Variants in NEU1 observed in about 807,000 individuals in gnomAD.
The protein encoded by NEU1 is neuraminidase 1.
Under a neutral mutation model 38.3 loss-of-function variants are expected in NEU1, and 32 were observed. That is an observed-to-expected ratio of 0.84 (90% CI 0.63 to 1.12). NEU1 has a LOEUF of 1.12. Ranked by LOEUF, NEU1 falls within the 50% of genes most tolerant of loss-of-function variation. The pLI is 0.00. For missense variants in NEU1, 431 were observed against 549.2 expected (o/e 0.78, Z 2.15); for synonymous variants, 192 against 225.2 (o/e 0.85, Z 1.32).
rs1426890011 is a variant in NEU1, at chr6:31,860,529, A to G, written c.708T>C (p.His236=). Residue 236 remains histidine (H), a synonymous_variant, in exon 4 of 6, where the codon CAT becomes CAC. Coordinates refer to ENST00000375631, the MANE Select transcript of NEU1 (RefSeq NM_000434.4). This position sits in a 1 kb window ranked among gnomAD's most constrained non-coding sequence, Gnocchi z 4.8. Reference sequence around the variant, plus strand: ...CACTTCCGTAGCGCCAGGAGGCACCATGATCATCGCTGAGGAGACAGAAGA... The same window carrying G: ...CACTTCCGTAGCGCCAGGAGGCACCGTGATCATCGCTGAGGAGACAGAAGA... ...DGVFCLLSDD[H]GASWRYGSGV... 5 of 1,614,096 alleles carry G rather than the reference A, an allele frequency of 3.1e-6. No individual in the cohort carries two copies. The highest frequency in any genetic ancestry group is 2.2e-5 in the South Asian group (2 of 91,082).
At position 31,857,737 on chromosome 6, in the gene NEU1, T is replaced by C. The variant is rs1184026727; in HGVS notation, c.*1982A>G. The stretch of plus-strand genomic sequence containing the variant: ...TCTGCCTGGGGAATATTTTCTTACA[T>C]AATTTGCCATAGGAAGTGCTCACTT... On this transcript the variant is annotated 3_prime_UTR_variant, in exon 6 of 6. Coordinates refer to ENST00000375631, the MANE Select transcript of NEU1 (RefSeq NM_000434.4). 1 of 152,098 alleles carries C rather than the reference T, an allele frequency of 6.6e-6. No homozygotes were observed. Among genetic ancestry groups the C allele is most frequent in the East Asian group, 1.9e-4 (1 of 5,192 alleles). The allele number at this position is 152,098 out of a possible 1,614,324, so 9.4% of individuals were successfully genotyped here. A position where few individuals can be genotyped will look rare whatever the true frequency, so the allele number is the denominator to read the frequency against.
In NEU1 at chr6:31,860,363, T is replaced by C. The variant is rs996756275; in HGVS notation, c.798+76A>G. 2.5e-6 allele frequency: 4 copies of C among 1,604,122 alleles called. No individual in the cohort carries two copies. The highest frequency in any genetic ancestry group is 3.4e-6 in the Non-Finnish European group (4 of 1,171,216). ...GGCACTGAGTGGAGCAGTCAGACCC[T>C]GGGTCTGTGCGTGAAATGATGTTCT... On this transcript the variant is annotated intron_variant, in intron 4 of 5. Coordinates refer to ENST00000375631, the MANE Select transcript of NEU1 (RefSeq NM_000434.4). The surrounding 1 kb of genome is among the most constrained non-coding windows in gnomAD (Gnocchi z 4.8).
chr6:31,862,787 A>T lies in NEU1; in HGVS notation c.-11T>A. 1 of 1,612,512 alleles carries T rather than the reference A, an allele frequency of 6.2e-7. No homozygotes were observed. The highest frequency in any genetic ancestry group is 1.3e-5 in the African/African-American group (1 of 75,038). On this transcript the variant is annotated 5_prime_UTR_variant, in exon 1 of 6. Coordinates refer to ENST00000375631, the MANE Select transcript of NEU1 (RefSeq NM_000434.4). The surrounding 1 kb of genome is among the most constrained non-coding windows in gnomAD (Gnocchi z 6.3). ...TCGCTCCCCAGTCATCTCTCCCCGC[A>T]GCTGCCGCGACCCTGGCAGCTAGAC... is the stretch of plus-strand genomic sequence containing the variant.
chr6:31,860,295 G>A lies in NEU1; in HGVS notation c.799-31C>T. ...GGGAGAGGACAGGACCTCAGGGAGG[G>A]AACAGGGAAAATGCCCTGTCCCCGA... On this transcript the variant is annotated intron_variant, in intron 4 of 5. Coordinates refer to ENST00000375631, the MANE Select transcript of NEU1 (RefSeq NM_000434.4). The surrounding 1 kb of genome is among the most constrained non-coding windows in gnomAD (Gnocchi z 4.8). 6.2e-7 allele frequency: 1 copy of A among 1,611,388 alleles called. No homozygotes were observed. The highest frequency in any genetic ancestry group is 1.1e-5 in the South Asian group (1 of 91,036).
At position 31,860,159 on chromosome 6, in the gene NEU1, G is replaced by C. The variant is rs557409640; in HGVS notation, c.904C>G (p.Leu302Val). The change falls in exon 5 of 6, where the codon CTA (leucine) becomes GTA (valine). Residue 302 changes from leucine to valine, a missense_variant. Coordinates refer to ENST00000375631, the MANE Select transcript of NEU1 (RefSeq NM_000434.4). This position sits in a 1 kb window ranked among gnomAD's most constrained non-coding sequence, Gnocchi z 4.8. ...VLRSYDACDT[L>V]RPRDVTFDPE... Reference sequence around the variant, plus strand: ...TCGAAGGTCACATCACGGGGCCTTAGTGTATCACAGGCATCATAGCTGCGG... The same window carrying C: ...TCGAAGGTCACATCACGGGGCCTTACTGTATCACAGGCATCATAGCTGCGG... 279 of 1,613,098 alleles carry C rather than the reference G, an allele frequency of 1.7e-4. 2 individuals are homozygous for C. In the South Asian group the frequency reaches 2.8e-3, roughly 16 times the overall value.
Position 31,860,820 on chromosome 6 carries a change from C to G in NEU1, c.616-199G>C. The G allele has an allele frequency of 3.0e-6, 2 of 673,632 alleles. No individual in the cohort carries two copies. Among genetic ancestry groups the G allele is most frequent in the Non-Finnish European group, 2.6e-6 (1 of 388,626 alleles). The allele number at this position is 673,632 out of a possible 1,614,324, so 41.7% of individuals were successfully genotyped here. On this transcript the variant is annotated intron_variant, in intron 3 of 5. Coordinates refer to ENST00000375631, the MANE Select transcript of NEU1 (RefSeq NM_000434.4). The surrounding 1 kb of genome is among the most constrained non-coding windows in gnomAD (Gnocchi z 4.8). Reference sequence around the variant, plus strand: ...AGCTCTCCCAGGGTGTACAGCTGGACATGTGCACCAGGGGCCCAGCCACAG... The same window carrying G: ...AGCTCTCCCAGGGTGTACAGCTGGAGATGTGCACCAGGGGCCCAGCCACAG...
Position 31,860,678 on chromosome 6 carries a change from G to A in NEU1, c.616-57C>T, listed in dbSNP as rs1276542840. The A allele has an allele frequency of 5.0e-6, 8 of 1,593,572 alleles. 1 individual carries two copies. The highest frequency in any genetic ancestry group is 6.9e-6 in the Non-Finnish European group (8 of 1,164,144). On this transcript the variant is annotated intron_variant, in intron 3 of 5. Coordinates refer to ENST00000375631, the MANE Select transcript of NEU1 (RefSeq NM_000434.4). This position sits in a 1 kb window ranked among gnomAD's most constrained non-coding sequence, Gnocchi z 4.8. ...GAGACTCTAGGGGCTCAGAGGCAGGGACAGAGAACCCACCACTTCCCAAAT... is the reference window on the plus strand; with the variant it reads ...GAGACTCTAGGGGCTCAGAGGCAGGAACAGAGAACCCACCACTTCCCAAAT...
rs374556080 is a variant in NEU1 at position 31,862,083 on chromosome 6, G to A, written c.268C>T (p.Leu90Phe). The A allele has an allele frequency of 1.2e-6, 2 of 1,612,978 alleles. No homozygotes were observed. The highest frequency in any genetic ancestry group is 2.7e-5 in the African/African-American group (2 of 74,924). Reference protein sequence around the residue: ...PLITATPRGTLLAFAEARKMS... With the variant: ...PLITATPRGTFLAFAEARKMS... Reference sequence around the variant, plus strand: ...TTCCTCGCCTCAGCAAAGGCGAGAAGAGTGCCCCGCGGAGTGGCTGTGATG... The same window carrying A: ...TTCCTCGCCTCAGCAAAGGCGAGAAAAGTGCCCCGCGGAGTGGCTGTGATG... Residue 90 changes from leucine to phenylalanine, a missense_variant, in exon 2 of 6, where the codon CTT becomes TTT. Physicochemically the swap from Leu to Phe is conservative, Grantham distance 22. Transcript: ENST00000375631. The surrounding 1 kb of genome is among the most constrained non-coding windows in gnomAD (Gnocchi z 6.3).
In NEU1 at chr6:31,862,290, G is replaced by C; in HGVS notation, c.160-99C>G. On this transcript the variant is annotated intron_variant, in intron 1 of 5. Transcript: ENST00000375631. The surrounding 1 kb of genome is among the most constrained non-coding windows in gnomAD (Gnocchi z 6.3). Reference sequence around the variant, plus strand: ...AGAGGGAGGATCTAATGGGGATCCCGAGTAGGGGATGGGGTCCCAGAACAA... The same window carrying C: ...AGAGGGAGGATCTAATGGGGATCCCCAGTAGGGGATGGGGTCCCAGAACAA... 1 of 1,292,098 alleles carries C rather than the reference G, an allele frequency of 7.7e-7. No individual in the cohort carries two copies. Among genetic ancestry groups the C allele is most frequent in the Non-Finnish European group, 1.1e-6 (1 of 907,120 alleles). 80.0% of individuals were successfully genotyped at this position (1,292,098 alleles called of 1,614,324 possible). A position where few individuals can be genotyped will look rare whatever the true frequency, so the allele number is the denominator to read the frequency against.
rs1048014165 is a variant in NEU1, at chr6:31,857,871, AT to A, written c.*1847del. On this transcript the variant is annotated 3_prime_UTR_variant, in exon 6 of 6. Transcript: ENST00000375631. ...ATGTTAGAAATATAAAACAGCGTGGATTTTTTTTTTTTCAGACGGAGTCTCA... is the reference window on the plus strand; with the variant it reads ...ATGTTAGAAATATAAAACAGCGTGGATTTTTTTTTTTCAGACGGAGTCTCA... 56 of 145,236 alleles carry A rather than the reference AT, an allele frequency of 3.9e-4. No individual in the cohort carries two copies. Among genetic ancestry groups the A allele is most frequent in the Non-Finnish European group, 4.4e-4 (29 of 65,768 alleles). 9.0% of individuals were successfully genotyped at this position (145,236 alleles called of 1,614,324 possible). A position where few individuals can be genotyped will look rare whatever the true frequency, so the allele number is the denominator to read the frequency against.
In NEU1 at chr6:31,859,394, T is replaced by C. The variant is rs1473344639; in HGVS notation, c.*325A>G. On this transcript the variant is annotated 3_prime_UTR_variant, in exon 6 of 6. Transcript: ENST00000375631. ...CCTTCCCCAGTTCCCTGAGTTCACA[T>C]TGATTCAATTCTACAGCTCACTAGA... 2.1e-6 allele frequency: 1 copy of C among 486,802 alleles called. No homozygotes were observed. Among genetic ancestry groups the C allele is most frequent in the Non-Finnish European group, 3.8e-6 (1 of 265,198 alleles). 30.2% of individuals were successfully genotyped at this position (486,802 alleles called of 1,614,324 possible). A position where few individuals can be genotyped will look rare whatever the true frequency, so the allele number is the denominator to read the frequency against.
Position 31,858,584 on chromosome 6 carries a change from TG to T in NEU1, c.*1134del, listed in dbSNP as rs1164961302. On this transcript the variant is annotated 3_prime_UTR_variant, in exon 6 of 6. Transcript: ENST00000375631. ...GAGATCGCACCACTGCACTCTAGCC[TG>T]GGTGCCAGAGCAAGACTCCATCTCA... The T allele has an allele frequency of 6.6e-6, 1 of 150,432 alleles. No individual in the cohort carries two copies. The highest frequency in any genetic ancestry group is 1.5e-5 in the Non-Finnish European group (1 of 67,818). 9.3% of individuals were successfully genotyped at this position (150,432 alleles called of 1,614,324 possible).
In NEU1 at chr6:31,862,522, T is replaced by C; in HGVS notation, c.159+96A>G. On this transcript the variant is annotated intron_variant, in intron 1 of 5. Coordinates refer to ENST00000375631, the MANE Select transcript of NEU1 (RefSeq NM_000434.4). This position sits in a 1 kb window ranked among gnomAD's most constrained non-coding sequence, Gnocchi z 6.3. Reference sequence around the variant, plus strand: ...GTCTGGGAGAAAGAAAAGGGTCCTGTCGCGGAAAGTCGGCTCAGCCGCCCG... The same window carrying C: ...GTCTGGGAGAAAGAAAAGGGTCCTGCCGCGGAAAGTCGGCTCAGCCGCCCG... The C allele has an allele frequency of 6.4e-7, 1 of 1,557,898 alleles. No homozygotes were observed. The highest frequency in any genetic ancestry group is 2.3e-5 in the East Asian group (1 of 44,426).
intron 2 of NEU1, 135 bp from the exon 3 acceptor site, chr6:31,861,585 A>G: frequency 9.8e-7 from 1 of 1,022,230 alleles, no homozygotes; most frequent in Non-Finnish European, 1.5e-6. Context: ...CAACACTTGC[A>G]CTATCTATAC....
Position 31,860,980 on chromosome 6 carries a change from T to C in NEU1, c.615+208A>G. The C allele has an allele frequency of 2.9e-6, 2 of 679,824 alleles. No homozygotes were observed. The highest frequency in any genetic ancestry group is 4.9e-6 in the Non-Finnish European group (2 of 405,622). The allele number at this position is 679,824 out of a possible 1,614,324, so 42.1% of individuals were successfully genotyped here. On this transcript the variant is annotated intron_variant, in intron 3 of 5. Transcript: ENST00000375631. The surrounding 1 kb of genome is among the most constrained non-coding windows in gnomAD (Gnocchi z 4.8). ...TATTGCATGGACTAACGCAGTCCTG[T>C]TGACAATGCCAAATGGGAAGCCAAT...
At chr6:31,861,139 C>T in intron 3 of NEU1, 49 bp downstream of exon 3, 1 of 1,610,520 alleles carries the variant, frequency 6.2e-7, no homozygotes, top group Non-Finnish European at 8.5e-7. Flanking sequence ...GGGTATCCCT[C>T]AGACTCTCCA....
rs1275983579 is a variant in NEU1 at position 31,860,706 on chromosome 6, A to C, written c.616-85T>G. Reference sequence around the variant, plus strand: ...AGAGAACCCACCACTTCCCAAATGCAATCACATGTATGGTCCCCTTGAGTT... The same window carrying C: ...AGAGAACCCACCACTTCCCAAATGCCATCACATGTATGGTCCCCTTGAGTT... On this transcript the variant is annotated intron_variant, in intron 3 of 5. Transcript: ENST00000375631. The surrounding 1 kb of genome is among the most constrained non-coding windows in gnomAD (Gnocchi z 4.8). 1 of 1,459,288 alleles carries C rather than the reference A, an allele frequency of 6.9e-7. No homozygotes were observed. Among genetic ancestry groups the C allele is most frequent in the Non-Finnish European group, 9.6e-7 (1 of 1,043,744 alleles). The allele number at this position is 1,459,288 out of a possible 1,614,324, so 90.4% of individuals were successfully genotyped here.
Position 31,859,588 on chromosome 6 carries a change from T to C in NEU1, c.*131A>G, listed in dbSNP as rs1762421742. 6.7e-6 allele frequency: 6 copies of C among 890,654 alleles called. No homozygotes were observed. Among genetic ancestry groups the C allele is most frequent in the Non-Finnish European group, 1.1e-5 (6 of 554,208 alleles). 55.2% of individuals were successfully genotyped at this position (890,654 alleles called of 1,614,324 possible). A position where few individuals can be genotyped will look rare whatever the true frequency, so the allele number is the denominator to read the frequency against. Reference sequence around the variant, plus strand: ...AGTGATTTCCCTGGTAAAGGGAAGGTGATTTTGCCAAGGCTGGAGTCTAAA... The same window carrying C: ...AGTGATTTCCCTGGTAAAGGGAAGGCGATTTTGCCAAGGCTGGAGTCTAAA... On this transcript the variant is annotated 3_prime_UTR_variant, in exon 6 of 6. Coordinates refer to ENST00000375631, the MANE Select transcript of NEU1 (RefSeq NM_000434.4).
intron 2 of NEU1, 155 bp from the exon 3 acceptor site, chr6:31,861,605 T>C: frequency 2.3e-6 from 2 of 876,214 alleles, no homozygotes; most frequent in South Asian, 1.6e-5. Context: ...CCTCTTGTCC[T>C]GTTTTATTTT....
Sources: allele counts gnomAD v4.1 joint callset, GRCh38; gene constraint gnomAD v4.1.1; non-coding constraint Gnocchi (gnomAD v3.1); transcripts MANE v1.5; gene names NCBI Gene and HGNC (gene_info 2026-07-23, HGNC 2026-07-21).